Variants in MMS22L observed in about 807,000 individuals in gnomAD.
MMS22L encodes protein MMS22-like.
A neutral mutation model predicts 159.1 loss-of-function variants in MMS22L; 74 were observed. The ratio of observed to expected loss-of-function variants is 0.47; its 90% confidence interval spans 0.39 to 0.56. The LOEUF (loss-of-function observed/expected upper bound fraction) is 0.56, where lower values mean the gene tolerates loss of function less well. Among genes scored for constraint, MMS22L ranks in the 20% least tolerant of loss-of-function variants. MMS22L has a pLI of 0.00. For missense variants in MMS22L, 1,351 were observed against 1,422.1 expected, an observed-to-expected ratio of 0.95 and a Z score of 0.80; for synonymous variants, 517 against 506.9, an observed-to-expected ratio of 1.02 and a Z score of -0.27.
intron 21 of MMS22L, among the ~76,000 whole-genome samples, chr6:97,164,443 T>C (rs986912444): frequency 5.9e-5 from 9 of 152,138 alleles, no homozygotes; most frequent in Admixed American, 5.9e-4. Context: ...TTTTTATTAC[T>C]GAACTTTCTA....
chr6:97,148,872 G>T (rs1000054910), intron 24 of MMS22L, among the ~76,000 whole-genome samples: 7 of 152,198 alleles, frequency 4.6e-5, no homozygotes, highest in African/African-American at 1.2e-4. Context: ...CCCACCCAGA[G>T]CAACTACTAG....
intron 13 of MMS22L, chr6:97,231,145 G>T: frequency 2.9e-6 from 1 of 346,224 alleles, no homozygotes. Context: ...CTATACTGTG[G>T]TCAGTTCTCA....
chr6:97,263,390 A>T lies in MMS22L; in HGVS notation c.887T>A (p.Leu296Ter). Residue 296 changes from leucine (L) to a stop codon, truncating the protein, a stop_gained, in exon 9 of 25, where the codon TTA becomes TAA. Transcript: ENST00000683635. LOFTEE classifies it high-confidence loss of function. ...DQCPCLCIKE[L>*]WVLLIHLLDH... The stretch of plus-strand genomic sequence containing the variant: ...TAGAAGATGAATAAGTAGAACCCAT[A>T]ATTCTTTAATGCATAAACATGGACA... 1.9e-6 allele frequency: 3 copies of T among 1,593,940 alleles called. No homozygotes were observed. In the South Asian group the frequency reaches 3.5e-5, roughly 18 times the overall value.
At chr6:97,275,396 G>C (rs1017425469) in intron 4 of MMS22L, among the ~76,000 whole-genome samples, 1 of 151,926 alleles carries the variant, frequency 6.6e-6, no homozygotes, top group African/African-American at 2.4e-5. Context: ...GCATGGTGGC[G>C]TGTGCCTGTA....
At position 97,144,212 on chromosome 6, in the gene MMS22L, G is replaced by A. The variant is rs1323353010; in HGVS notation, c.*2594C>T. The A allele has an allele frequency of 6.6e-6, 1 of 152,072 alleles. No homozygotes were observed. Among genetic ancestry groups the A allele is most frequent in the Non-Finnish European group, 1.5e-5 (1 of 68,104 alleles). 9.4% of individuals were successfully genotyped at this position (152,072 alleles called of 1,614,324 possible). Reference sequence around the variant, plus strand: ...TGAAGGGTCGTATCTTACGACTGGGGACAGGAAAGAAGACCATGAAGGTGC... The same window carrying A: ...TGAAGGGTCGTATCTTACGACTGGGAACAGGAAAGAAGACCATGAAGGTGC... On this transcript the variant is annotated 3_prime_UTR_variant, in exon 25 of 25. Coordinates refer to ENST00000683635, the MANE Select transcript of MMS22L (RefSeq NM_001350599.2).
intron 19 of MMS22L, among the ~76,000 whole-genome samples, chr6:97,169,727 AATATTAGAAGAACTT>A (rs1284424217): frequency 6.6e-6 from 1 of 152,190 alleles, no homozygotes; most frequent in East Asian, 1.9e-4. Flanking sequence ...GTATGACAGC[AATATTAGAAGAACTT>A]ATATTCTAAA....
chr6:97,223,618 C>A (rs1369099399), intron 14 of MMS22L, among the ~76,000 whole-genome samples: 1 of 152,098 alleles, frequency 6.6e-6, no homozygotes, highest in African/African-American at 2.4e-5. Flanking sequence ...ATCTCCATAA[C>A]TGAATACCTA....
chr6:97,190,602 T>C (rs1184390045), intron 14 of MMS22L, among the ~76,000 whole-genome samples: 5 of 152,228 alleles, frequency 3.3e-5, no homozygotes, highest in African/African-American at 7.2e-5. Flanking sequence ...TGGTATTTAC[T>C]ATGAGACCAG....
chr6:97,153,532 C>T (rs139719288), intron 22 of MMS22L, among the ~76,000 whole-genome samples: 128 of 151,852 alleles, frequency 8.4e-4, no homozygotes, highest in African/African-American at 3.0e-3. Context: ...CCACCACGCC[C>T]GGCTAATTTT....
chr6:97,144,120 AAAAAAAAAGAGAG>A lies in MMS22L; in HGVS notation c.*2673_*2685del. On this transcript the variant is annotated 3_prime_UTR_variant, in exon 25 of 25. Coordinates refer to ENST00000683635, the MANE Select transcript of MMS22L (RefSeq NM_001350599.2). Reference sequence around the variant, plus strand: ...ACAACAACAACAAAAAAAAAAAAAAAAAAAAAAAGAGAGAGAAAAGCTGGAGTTATCAGTTCAC... The same window carrying A: ...ACAACAACAACAAAAAAAAAAAAAAAAGAAAAGCTGGAGTTATCAGTTCAC... 1 of 146,620 alleles carries A rather than the reference AAAAAAAAAGAGAG, an allele frequency of 6.8e-6. No homozygotes were observed. The highest frequency in any genetic ancestry group is 2.6e-5 in the African/African-American group (1 of 38,238). 9.1% of individuals were successfully genotyped at this position (146,620 alleles called of 1,614,324 possible). A position where few individuals can be genotyped will look rare whatever the true frequency, so the allele number is the denominator to read the frequency against.
At chr6:97,229,468 A>G in intron 13 of MMS22L, 65 bp from the exon 14 acceptor site, 1 of 1,220,380 alleles carries the variant, frequency 8.2e-7, no homozygotes, top group Non-Finnish European at 1.1e-6. Flanking sequence ...ATCTCTTAAA[A>G]GAAAATTTGT....
chr6:97,205,784 T>A (rs1284125596), intron 14 of MMS22L, among the ~76,000 whole-genome samples: 1 of 152,186 alleles, frequency 6.6e-6, no homozygotes, highest in Non-Finnish European at 1.5e-5. Context: ...TAACAAATGC[T>A]ACATTTAATA....
chr6:97,145,714 T>A lies in MMS22L; in HGVS notation c.*1092A>T, dbSNP rs1025937150. The A allele has an allele frequency of 3.3e-5, 5 of 152,144 alleles. No homozygotes were observed. Among genetic ancestry groups the A allele is most frequent in the African/African-American group, 1.2e-4 (5 of 41,434 alleles). The allele number at this position is 152,144 out of a possible 1,614,324, so 9.4% of individuals were successfully genotyped here. On this transcript the variant is annotated 3_prime_UTR_variant, in exon 25 of 25. Coordinates refer to ENST00000683635, the MANE Select transcript of MMS22L (RefSeq NM_001350599.2). ...AATAGTAAAGGGATTCTTCTTTTCT[T>A]CTCCATGAAGAAACTAGACTGAGAA...
intron 16 of MMS22L, among the ~76,000 whole-genome samples, chr6:97,181,591 T>C (rs901544048): frequency 6.6e-6 from 1 of 152,150 alleles, no homozygotes; most frequent in Non-Finnish European, 1.5e-5. Context: ...TCAGTAATAA[T>C]AAATGTGTAA....
At chr6:97,169,249 T>G (rs758611340) in intron 19 of MMS22L, among the ~76,000 whole-genome samples, 1 of 152,102 alleles carries the variant, frequency 6.6e-6, no homozygotes, top group Non-Finnish European at 1.5e-5. Flanking sequence ...CCACATCTGA[T>G]GATAATAAAG....
intron 14 of MMS22L, 131 bp from the exon 15 acceptor site, chr6:97,186,821 G>T: frequency 1.8e-6 from 1 of 568,642 alleles, no homozygotes; most frequent in Non-Finnish European, 2.8e-6. Context: ...TTTATGCCAA[G>T]ACATTATGCA....
At chr6:97,249,916 C>T (rs1264313256) in intron 10 of MMS22L, among the ~76,000 whole-genome samples, 2 of 151,976 alleles carry the variant, frequency 1.3e-5, no homozygotes, top group East Asian at 1.9e-4. Flanking sequence ...TCTGTGTTAT[C>T]AAAGCATTTG....
chr6:97,179,699 A>G, intron 16 of MMS22L, 140 bp from the exon 17 acceptor site: 1 of 601,990 alleles, frequency 1.7e-6, no homozygotes, highest in Non-Finnish European at 2.6e-6. Flanking sequence ...TAACGTAGGC[A>G]TGCATTGTTG....
At chr6:97,186,337 A>T (rs1805224737) in intron 15 of MMS22L, among the ~76,000 whole-genome samples, 160 bp downstream of exon 15, 1 of 152,198 alleles carries the variant, frequency 6.6e-6, no homozygotes, top group South Asian at 2.1e-4. Flanking sequence ...TTTAGCAATA[A>T]ATAAGCCAAA....
Sources: gnomAD v4.1 joint callset for allele counts (sites outside exome capture counted in the v4.1 genomes callset) on GRCh38, gnomAD v4.1.1 for gene constraint, MANE v1.5 for transcripts, NCBI Gene and HGNC (gene_info 2026-07-23, HGNC 2026-07-21) for gene names.